The following SNTB1 variants were observed in gnomAD, a reference collection of about 807,000 sequenced individuals.
SNTB1 encodes the protein beta-1-syntrophin.
A neutral mutation model predicts 48.9 loss-of-function variants in SNTB1; 36 were observed. That is an observed-to-expected ratio of 0.74 (90% CI 0.56 to 0.97). The LOEUF is 0.97. SNTB1 is among the 50% of genes least tolerant of loss of function. The pLI is 0.00. For synonymous variants in SNTB1, 299 were observed against 294.6 expected (o/e 1.01, Z -0.15); for missense variants, 786 against 703.4 (o/e 1.12, Z -1.33).
chr8:120,801,461 A>G (rs1263226212), intron 1 of SNTB1, among the ~76,000 whole-genome samples: 5 of 151,952 alleles, frequency 3.3e-5, no homozygotes, highest in African/African-American at 1.2e-4. Context: ...ATTACTCTAC[A>G]CCTGTCTCTC....
intron 1 of SNTB1, among the ~76,000 whole-genome samples, chr8:120,752,400 A>T (rs1414214236): frequency 6.6e-6 from 1 of 152,070 alleles, no homozygotes. Flanking sequence ...AACTTCCCTG[A>T]CCACCCTCAT....
chr8:120,763,290 C>T (rs59760493), intron 1 of SNTB1, among the ~76,000 whole-genome samples: 5,799 of 152,184 alleles, frequency 0.038, 374 homozygotes, highest in African/African-American at 0.13. Context: ...GAAATACAGG[C>T]TTCCTGGAAT....
intron 2 of SNTB1, among the ~76,000 whole-genome samples, chr8:120,669,094 C>T (rs547294207): frequency 7.0e-4 from 106 of 152,300 alleles, no homozygotes; most frequent in Non-Finnish European, 1.0e-3. Context: ...TTGAGATGAG[C>T]ATTTCATAAA....
At position 120,693,800 on chromosome 8, in the gene SNTB1, G is replaced by A; in HGVS notation, c.680C>T (p.Ser227Leu). The change falls in exon 2 of 7, where the codon TCA (serine) becomes TTA (leucine). Residue 227 changes from serine (S) to leucine (L), a missense_variant. Transcript: ENST00000517992. ...GAAGGACTGCGATGACGGGGGGTCT[G>A]AGGTGCTGCCCCCTAACCGAGGGGA... ...PESPRLGGST[S>L]DPPSSQSFSF... 6.2e-7 allele frequency: 1 copy of A among 1,614,150 alleles called. No homozygotes were observed.
chr8:120,757,880 G>GTGATGGCCATGTTTTTCGC (rs11276611), intron 1 of SNTB1, among the ~76,000 whole-genome samples: 31,498 of 151,888 alleles, frequency 0.21, 3,407 homozygotes, highest in Middle Eastern at 0.27. Flanking sequence ...TTGGAAGTTA[G>GTGATGGCCATGTTTTTCGC]TGATGGCCAT....
intron 1 of SNTB1, among the ~76,000 whole-genome samples, chr8:120,728,488 C>A (rs1305923694): frequency 1.3e-5 from 2 of 152,098 alleles, no homozygotes; most frequent in African/African-American, 4.8e-5. Context: ...TGTCCCCACT[C>A]CCTCCCTCCC....
intron 4 of SNTB1, among the ~76,000 whole-genome samples, chr8:120,549,937 G>A (rs1377516797): frequency 6.6e-6 from 1 of 152,142 alleles, no homozygotes; most frequent in Non-Finnish European, 1.5e-5. Context: ...CTAGAGAAAT[G>A]CCAGGTGTCT....
intron 1 of SNTB1, among the ~76,000 whole-genome samples, chr8:120,700,171 G>GTGTGTGTGTGTGTGTT (rs1402801406): frequency 1.3e-4 from 19 of 151,564 alleles, no homozygotes; most frequent in Admixed American, 4.6e-4. Flanking sequence ...GTGTGTGTGT[G>GTGTGTGTGTGTGTGTT]TGTGTGTTTG....
At position 120,635,989 on chromosome 8, in the gene SNTB1, C is replaced by T. The variant is rs771524561; in HGVS notation, c.789-3338G>A. 2.6e-5 allele frequency: 22 copies of T among 844,534 alleles called. No individual in the cohort carries two copies. In the African/African-American group the frequency reaches 3.7e-4, roughly 14 times the overall value. 52.3% of individuals were successfully genotyped at this position (844,534 alleles called of 1,614,324 possible). A position where few individuals can be genotyped will look rare whatever the true frequency, so the allele number is the denominator to read the frequency against. On this transcript the variant is annotated intron_variant, in intron 2 of 6. Transcript: ENST00000517992. ...CCTCTCCTTTACTTGCTCCAGAATC[C>T]CATTCAATAGAACCAGAAGATCTTT...
chr8:120,730,035 C>T (rs1021815615), intron 1 of SNTB1, among the ~76,000 whole-genome samples: 2 of 152,336 alleles, frequency 1.3e-5, no homozygotes, highest in South Asian at 2.1e-4. Context: ...GCCAACAACC[C>T]GTTAGTGATG....
intron 1 of SNTB1, among the ~76,000 whole-genome samples, chr8:120,735,086 T>C (rs1367329230): frequency 6.6e-6 from 1 of 152,162 alleles, no homozygotes; most frequent in Non-Finnish European, 1.5e-5. Context: ...TTATGAAAAG[T>C]GTCATTGCTC....
intron 2 of SNTB1, among the ~76,000 whole-genome samples, chr8:120,634,565 A>T (rs1395118476): frequency 6.6e-6 from 1 of 152,142 alleles, no homozygotes. Context: ...GAGATTGGAC[A>T]ATGTCTTATG....
chr8:120,620,738 G>A (rs910726621), intron 3 of SNTB1, among the ~76,000 whole-genome samples: 1 of 146,930 alleles, frequency 6.8e-6, no homozygotes, highest in East Asian at 2.0e-4. Context: ...TGTGTTCAGA[G>A]ATCCAGGCAC....
chr8:120,681,274 C>T (rs1018599442), intron 2 of SNTB1, among the ~76,000 whole-genome samples: 1 of 152,098 alleles, frequency 6.6e-6, no homozygotes, highest in African/African-American at 2.4e-5. Context: ...GATCTCCTGC[C>T]TTTTGTAAGA....
chr8:120,708,321 A>T (rs947051681), intron 1 of SNTB1, among the ~76,000 whole-genome samples: 1 of 151,838 alleles, frequency 6.6e-6, no homozygotes, highest in African/African-American at 2.4e-5. Context: ...ATTTTAAAGA[A>T]AATTTTTAAA....
chr8:120,778,649 C>T (rs115877967), intron 1 of SNTB1, among the ~76,000 whole-genome samples: 35 of 152,184 alleles, frequency 2.3e-4, no homozygotes, highest in African/African-American at 8.2e-4. Context: ...GATTGATTTC[C>T]GAAGAGCATC....
intron 1 of SNTB1, among the ~76,000 whole-genome samples, chr8:120,788,849 A>G (rs913619714): frequency 6.6e-6 from 1 of 152,120 alleles, no homozygotes; most frequent in African/African-American, 2.4e-5. Flanking sequence ...CAGAAAATCA[A>G]CAAAGAAACA....
intron 1 of SNTB1, among the ~76,000 whole-genome samples, chr8:120,716,977 C>A (rs563896148): frequency 6.6e-6 from 1 of 152,162 alleles, no homozygotes. Context: ...CTGCAGAAAT[C>A]CTTAAGTTCC....
rs975955621 is a variant in SNTB1, at chr8:120,625,321, C to G, written c.996+7123G>C. 3.9e-5 allele frequency among the ~76,000 whole-genome samples: 6 copies of G among 152,132 alleles called. No individual in the cohort carries two copies. The East Asian group carries it at 1.2e-3, about 29-fold the overall frequency. ...TCTCTCCAAAGAGATTGAAGCAGGCCCATATGAAGTTGTATGAATCAGCCT... is the reference window on the plus strand; with the variant it reads ...TCTCTCCAAAGAGATTGAAGCAGGCGCATATGAAGTTGTATGAATCAGCCT... On this transcript the variant is annotated intron_variant, in intron 3 of 6. Transcript: ENST00000517992.
Sources: gnomAD v4.1 joint callset for allele counts (sites outside exome capture counted in the v4.1 genomes callset) on GRCh38, gnomAD v4.1.1 for gene constraint, MANE v1.5 for transcripts, NCBI Gene and HGNC (gene_info 2026-07-23, HGNC 2026-07-21) for gene names.